Variants in MGAT4C observed in about 807,000 individuals in gnomAD.
The protein encoded by MGAT4C is MGAT4 family member C.
MGAT4C carries 19 observed loss-of-function variants against 40.1 expected under a neutral mutation model. The observed-to-expected ratio is 0.47, with a 90% CI of 0.33 to 0.70. The LOEUF (loss-of-function observed/expected upper bound fraction) is 0.70. Among genes scored for constraint, MGAT4C ranks in the 30% least tolerant of loss-of-function variants. The probability of loss-of-function intolerance (pLI) is 0.02; values close to 1 mark genes in which losing one functional copy is unlikely to be tolerated. For synonymous variants in MGAT4C, 181 were observed against 187.1 expected (o/e 0.97, Z 0.27); for missense variants, 491 against 563.2 (o/e 0.87, Z 1.30).
chr12:86,190,744 C>T (rs1167647900), intron 1 of MGAT4C, among the ~76,000 whole-genome samples: 4 of 151,998 alleles, frequency 2.6e-5, no homozygotes, highest in African/African-American at 7.2e-5. Flanking sequence ...TTTGGTCACA[C>T]ACTAGATGTG....
intron 3 of MGAT4C, among the ~76,000 whole-genome samples, chr12:86,355,453 A>G (rs1392710065): frequency 6.6e-6 from 1 of 152,228 alleles, no homozygotes; most frequent in Non-Finnish European, 1.5e-5. Flanking sequence ...AGATTTTTAT[A>G]ATTCCAGAAA....
At chr12:86,671,276 G>A (rs1037039295) in intron 2 of MGAT4C, among the ~76,000 whole-genome samples, 21 of 152,122 alleles carry the variant, frequency 1.4e-4, no homozygotes, top group African/African-American at 5.1e-4. Context: ...ATTTGCTTTA[G>A]CCTCAGAGTC....
At chr12:86,178,208 T>C (rs1230483608) in intron 1 of MGAT4C, among the ~76,000 whole-genome samples, 1 of 152,202 alleles carries the variant, frequency 6.6e-6, no homozygotes, top group African/African-American at 2.4e-5. Flanking sequence ...AGTGCTGGGA[T>C]TACAGGCATG....
intron 3 of MGAT4C, among the ~76,000 whole-genome samples, chr12:86,424,425 T>G (rs1956887405): frequency 6.6e-6 from 1 of 152,220 alleles, no homozygotes; most frequent in African/African-American, 2.4e-5. Context: ...TTCTTACCTT[T>G]CTTTTGATGT....
chr12:86,355,509 A>T (rs1044311453), intron 3 of MGAT4C, among the ~76,000 whole-genome samples: 2 of 152,246 alleles, frequency 1.3e-5, no homozygotes, highest in Admixed American at 1.3e-4. Context: ...CAGATGCACC[A>T]TAATCAAACT....
In MGAT4C at chr12:86,635,657, T is replaced by TTGTGTGTGTGTGTG. The variant is rs71309507; in HGVS notation, c.-229+91538_-229+91551dup. Among the ~76,000 whole-genome samples, 420 of 147,344 alleles carry TTGTGTGTGTGTGTG rather than the reference T, an allele frequency of 2.9e-3. 2 individuals are homozygous for TTGTGTGTGTGTGTG. Among genetic ancestry groups the TTGTGTGTGTGTGTG allele is most frequent in the African/African-American group, 9.7e-3 (390 of 40,206 alleles). ...TTTTACTGTACCTTTTCTATATACA[T>TTGTGTGTGTGTGTG]TGTGTGTGTGTGTGTGTGTGTGTGT... On this transcript the variant is annotated intron_variant, in intron 2 of 7. Coordinates refer to the MGAT4C transcript ENST00000548651.
intron 3 of MGAT4C, among the ~76,000 whole-genome samples, chr12:86,422,811 T>TA (rs1956853459): frequency 6.6e-6 from 1 of 152,270 alleles, no homozygotes; most frequent in South Asian, 2.1e-4. Flanking sequence ...AAAAAAAACA[T>TA]AGAGTATCTG....
Position 85,979,500 on chromosome 12 carries a change from C to G in MGAT4C, c.1226G>C (p.Gly409Ala). Reference sequence around the variant, plus strand: ...AACGTTTTCCCCAACATCTAGGGCTCCATGATGCAAAATATCATTTTGCCG... The same window carrying G: ...AACGTTTTCCCCAACATCTAGGGCTGCATGATGCAAAATATCATTTTGCCG... ...EDRQNDILHH[G>A]ALDVGENVMP... The change falls in exon 5 of 5, where the codon GGA (glycine) becomes GCA (alanine). Residue 409 changes from glycine (G) to alanine (A), a missense_variant. Transcript: ENST00000611864. The G allele has an allele frequency of 6.2e-7, 1 of 1,613,014 alleles. No individual in the cohort carries two copies. The highest frequency in any genetic ancestry group is 8.5e-7 in the Non-Finnish European group (1 of 1,179,352).
chr12:86,296,744 C>T (rs926076823), intron 4 of MGAT4C, among the ~76,000 whole-genome samples: 14 of 152,334 alleles, frequency 9.2e-5, no homozygotes, highest in South Asian at 2.1e-4. Flanking sequence ...GCAAGCGCTG[C>T]GCGCAGCCCC....
chr12:86,574,079 T>A lies in MGAT4C; in HGVS notation c.-228-138814A>T, dbSNP rs375406422. 5.9e-5 allele frequency among the ~76,000 whole-genome samples: 9 copies of A among 151,934 alleles called. No homozygotes were observed. In the East Asian group the frequency reaches 1.4e-3, roughly 23 times the overall value. ...TTCATTTCCTAAAAAAAAACCTGTA[T>A]GAAAATTAGCTATTTTCTATTCCCC... On this transcript the variant is annotated intron_variant, in intron 2 of 7. Coordinates refer to the MGAT4C transcript ENST00000548651.
intron 4 of MGAT4C, among the ~76,000 whole-genome samples, chr12:86,275,148 TC>T (rs1439718812): frequency 6.6e-6 from 1 of 152,230 alleles, no homozygotes; most frequent in African/African-American, 2.4e-5. Flanking sequence ...GTATGAAATG[TC>T]ACTTGAAAAT....
At chr12:86,365,494 A>G (rs2136206413) in intron 3 of MGAT4C, among the ~76,000 whole-genome samples, 1 of 152,308 alleles carries the variant, frequency 6.6e-6, no homozygotes, top group East Asian at 1.9e-4. Flanking sequence ...GGGAAGTGAT[A>G]AGTGTCCATG....
At chr12:86,784,249 A>G (rs1253459864) in intron 1 of MGAT4C, among the ~76,000 whole-genome samples, 1 of 152,092 alleles carries the variant, frequency 6.6e-6, no homozygotes, top group African/African-American at 2.4e-5. Flanking sequence ...TCAACAGGAG[A>G]TGGAAAAAGA....
chr12:86,639,221 A>C (rs929771947), intron 2 of MGAT4C, among the ~76,000 whole-genome samples: 9 of 151,820 alleles, frequency 5.9e-5, no homozygotes, highest in African/African-American at 2.2e-4. Context: ...TCTGATAATG[A>C]AGATACATTT....
At chr12:86,788,135 TATAA>T (rs1478998859) in intron 1 of MGAT4C, among the ~76,000 whole-genome samples, 1 of 151,088 alleles carries the variant, frequency 6.6e-6, no homozygotes, top group East Asian at 1.9e-4. Flanking sequence ...GCTATATATA[TATAA>T]CACCCACATA....
At chr12:86,815,858 G>T (rs12821982) in intron 1 of MGAT4C, among the ~76,000 whole-genome samples, 14 of 138,906 alleles carry the variant, frequency 1.0e-4, no homozygotes, top group Middle Eastern at 3.5e-3. Context: ...GAAGAGTGGT[G>T]GGGGGGCAAG....
intron 2 of MGAT4C, among the ~76,000 whole-genome samples, chr12:86,031,799 T>C (rs1400951182): frequency 3.3e-5 from 5 of 151,930 alleles, no homozygotes; most frequent in Non-Finnish European, 4.4e-5. Context: ...GGGGTACATA[T>C]GCAAGTTTGT....
intron 3 of MGAT4C, among the ~76,000 whole-genome samples, chr12:86,379,332 T>C (rs1955886739): frequency 6.6e-6 from 1 of 152,136 alleles, no homozygotes; most frequent in South Asian, 2.1e-4. Context: ...TTAATCATCG[T>C]TTTGCTGCTG....
chr12:86,281,966 T>A (rs180953459), intron 4 of MGAT4C, among the ~76,000 whole-genome samples: 1 of 152,288 alleles, frequency 6.6e-6, no homozygotes, highest in African/African-American at 2.4e-5. Context: ...GTCAATATTC[T>A]TCCCTATGTA....
Sources: gnomAD v4.1 joint callset for allele counts (sites outside exome capture counted in the v4.1 genomes callset) on GRCh38, gnomAD v4.1.1 for gene constraint, MANE v1.5 for transcripts, NCBI Gene and HGNC (gene_info 2026-07-23, HGNC 2026-07-21) for gene names.